The following STX6 variants were observed in gnomAD, a reference collection of about 807,000 sequenced individuals.
STX6 encodes the protein syntaxin-6.
In STX6, 23 loss-of-function variants were observed where a neutral mutation model predicts 38.0. That is an observed-to-expected ratio of 0.60 (90% CI 0.43 to 0.86). The LOEUF (loss-of-function observed/expected upper bound fraction) is 0.86, where lower values mean the gene tolerates loss of function less well. STX6 is among the 40% of genes least tolerant of loss of function. STX6 has a pLI of 0.00. For synonymous variants in STX6, 123 were observed against 107.5 expected, an observed-to-expected ratio of 1.14 and a Z score of -0.89; for missense variants, 274 against 312.9, an observed-to-expected ratio of 0.88 and a Z score of 0.94.
intron 4 of STX6, among the ~76,000 whole-genome samples, chr1:180,991,284 G>T (rs1044164877): frequency 6.6e-6 from 1 of 152,186 alleles, no homozygotes; most frequent in Non-Finnish European, 1.5e-5. Flanking sequence ...CCAGCTGGAT[G>T]GTGACTGTCT....
chr1:181,016,524 T>C (rs889066174), intron 1 of STX6, among the ~76,000 whole-genome samples: 9 of 152,234 alleles, frequency 5.9e-5, no homozygotes, highest in Non-Finnish European at 1.0e-4. Context: ...TTCTGCTTTT[T>C]AGAAAGTATT....
chr1:180,992,546 T>C (rs1655783336), intron 4 of STX6, among the ~76,000 whole-genome samples: 1 of 152,178 alleles, frequency 6.6e-6, no homozygotes. Context: ...TCATGAAGTC[T>C]TTTTTACTTC....
At chr1:180,991,927 A>AC (rs11410692) in intron 4 of STX6, among the ~76,000 whole-genome samples, 1 of 146,228 alleles carries the variant, frequency 6.8e-6, no homozygotes, top group Non-Finnish European at 1.5e-5. Flanking sequence ...CTTTATATAA[A>AC]ATATATTTAA....
rs374934311 is a variant in STX6 at position 181,022,691 on chromosome 1, C to T, written c.-18G>A. ...ATGGACATGGCGTCCCGGCCCCGGC[C>T]GCCTTCACCTCCTCCGCGCACAGGG... On this transcript the variant is annotated 5_prime_UTR_variant, in exon 1 of 8. Coordinates refer to ENST00000258301, the MANE Select transcript of STX6 (RefSeq NM_005819.6). The T allele has an allele frequency of 4.9e-5, 78 of 1,604,286 alleles. No homozygotes were observed. Among genetic ancestry groups the T allele is most frequent in the Non-Finnish European group, 1.1e-5 (13 of 1,176,268 alleles).
Position 181,002,712 on chromosome 1 carries a change from A to C in STX6, c.206-12T>G. The C allele has an allele frequency of 6.3e-7, 1 of 1,584,736 alleles. No homozygotes were observed. The highest frequency in any genetic ancestry group is 1.1e-5 in the South Asian group (1 of 90,138). ...TGCTTCAACTATGCGTAGGTCAAAA[A>C]GTCAAGGTAAAACAATTTCATCATC... is the stretch of plus-strand genomic sequence containing the variant. On this transcript the variant is annotated splice_polypyrimidine_tract_variant and intron_variant, in intron 2 of 7. Coordinates refer to ENST00000258301, the MANE Select transcript of STX6 (RefSeq NM_005819.6).
At chr1:180,990,253 T>A in intron 4 of STX6, 144 bp from the exon 5 acceptor site, 4 of 1,038,402 alleles carry the variant, frequency 3.9e-6, no homozygotes, top group Non-Finnish European at 5.5e-6. Flanking sequence ...GTGGTGTAGG[T>A]TGGTGCCTGG....
chr1:181,013,361 C>T (rs1315095234), intron 1 of STX6, among the ~76,000 whole-genome samples: 1 of 152,182 alleles, frequency 6.6e-6, no homozygotes, highest in Admixed American at 6.5e-5. Flanking sequence ...CACTGTCAAC[C>T]AGGCTGGAGT....
At chr1:180,995,509 A>G (rs1203560743) in intron 3 of STX6, among the ~76,000 whole-genome samples, 1 of 152,212 alleles carries the variant, frequency 6.6e-6, no homozygotes, top group African/African-American at 2.4e-5. Flanking sequence ...TTTATTTAAT[A>G]TTATTAAAAA....
chr1:181,005,185 A>T, intron 2 of STX6, 109 bp downstream of exon 2: 1 of 1,514,484 alleles, frequency 6.6e-7, no homozygotes, highest in East Asian at 2.3e-5. Flanking sequence ...AGAGCAACAA[A>T]CATTAATCGA....
At position 181,022,831 on chromosome 1, in the gene STX6, G is replaced by C. The variant is rs891992072; in HGVS notation, c.-158C>G. 1.5e-6 allele frequency: 1 copy of C among 676,952 alleles called. No homozygotes were observed. Among genetic ancestry groups the C allele is most frequent in the Non-Finnish European group, 2.5e-6 (1 of 403,510 alleles). 41.9% of individuals were successfully genotyped at this position (676,952 alleles called of 1,614,324 possible). On this transcript the variant is annotated 5_prime_UTR_variant, in exon 1 of 8. Transcript: ENST00000258301. ...GCGCACAGGCCAGGTGCACAGGACG[G>C]CCGCTGGTCCAGCACTCGCTCAGCA...
intron 3 of STX6, among the ~76,000 whole-genome samples, chr1:180,993,975 G>A (rs566726959): frequency 9.2e-5 from 14 of 152,238 alleles, no homozygotes; most frequent in African/African-American, 3.4e-4. Context: ...GGTACAACAG[G>A]TCACTTATTT....
intron 3 of STX6, among the ~76,000 whole-genome samples, chr1:180,996,987 C>T (rs1481440777): frequency 2.6e-5 from 4 of 152,072 alleles, no homozygotes; most frequent in Admixed American, 1.3e-4. Flanking sequence ...TAAACAATAA[C>T]CAAAATATCT....
intron 1 of STX6, among the ~76,000 whole-genome samples, chr1:181,014,393 C>CAAAA (rs11334153): frequency 7.2e-6 from 1 of 138,756 alleles, no homozygotes. Context: ...GACTCCATCT[C>CAAAA]AAAAAAAAAA....
intron 4 of STX6, 90 bp from the exon 5 acceptor site, chr1:180,990,199 T>C (rs1655715284): frequency 7.3e-6 from 11 of 1,513,570 alleles, no homozygotes; most frequent in African/African-American, 2.8e-5. Context: ...ATAAAGAGTT[T>C]TCACATTTCT....
chr1:181,015,077 A>G (rs1052109811), intron 1 of STX6, among the ~76,000 whole-genome samples: 15 of 152,052 alleles, frequency 9.9e-5, no homozygotes, highest in Non-Finnish European at 1.9e-4. Context: ...GTGCTGTTCT[A>G]GTTTTCTACC....
chr1:180,980,216 AAAAAAAAC>A (rs1440583204), intron 7 of STX6, among the ~76,000 whole-genome samples: 1 of 151,440 alleles, frequency 6.6e-6, no homozygotes, highest in Non-Finnish European at 1.5e-5. Context: ...CAAAAAAAAA[AAAAAAAAC>A]ACCATGAAAG....
intron 1 of STX6, among the ~76,000 whole-genome samples, chr1:181,020,879 T>C (rs1001422876): frequency 2.0e-5 from 3 of 152,232 alleles, no homozygotes; most frequent in African/African-American, 7.2e-5. Context: ...AATGCATTTT[T>C]GATACTTTTA....
At chr1:181,005,520 T>C in intron 1 of STX6, 57 bp from the exon 2 acceptor site, 1 of 1,548,046 alleles carries the variant, frequency 6.5e-7, no homozygotes, top group South Asian at 1.2e-5. Context: ...ATGGTCAAGT[T>C]ACTGCATGAT....
At chr1:181,004,727 T>C (rs1452964439) in intron 2 of STX6, among the ~76,000 whole-genome samples, 1 of 152,180 alleles carries the variant, frequency 6.6e-6, no homozygotes, top group Non-Finnish European at 1.5e-5. Context: ...TGTGAGCTGC[T>C]CTTGCAAATT....
Sources: gnomAD v4.1 joint callset for allele counts (sites outside exome capture counted in the v4.1 genomes callset) on GRCh38, gnomAD v4.1.1 for gene constraint, MANE v1.5 for transcripts, NCBI Gene and HGNC (gene_info 2026-07-23, HGNC 2026-07-21) for gene names.